CHCHD6: variants seen among roughly 807,000 people sequenced by gnomAD.
The protein encoded by CHCHD6 is MICOS complex subunit MIC25.
In CHCHD6, 28 loss-of-function variants were observed where a neutral mutation model predicts 32.3. That is an observed-to-expected ratio of 0.87 (90% CI 0.64 to 1.19). CHCHD6 has a LOEUF of 1.19. CHCHD6 is among the 50% of genes most tolerant of loss of function. The pLI is 0.00. For synonymous variants in CHCHD6, 122 were observed against 117.5 expected, an observed-to-expected ratio of 1.04 and a Z score of -0.25; for missense variants, 333 against 307.0, an observed-to-expected ratio of 1.08 and a Z score of -0.63.
At chr3:126,950,901 T>C (rs11709363) in intron 6 of CHCHD6, among the ~76,000 whole-genome samples, 5,390 of 152,226 alleles carry the variant, frequency 0.035, 147 homozygotes, top group Middle Eastern at 0.051. Context: ...GAAAGCATTG[T>C]TGTTGATGGG....
At chr3:126,727,682 T>G (rs2107657023) in intron 2 of CHCHD6, among the ~76,000 whole-genome samples, 1 of 152,320 alleles carries the variant, frequency 6.6e-6, no homozygotes, top group African/African-American at 2.4e-5. Context: ...CCTCTGGGCT[T>G]CTAGGAGGGG....
At chr3:126,834,744 G>C (rs1205435913) in intron 4 of CHCHD6, among the ~76,000 whole-genome samples, 1 of 152,152 alleles carries the variant, frequency 6.6e-6, no homozygotes, top group Admixed American at 6.5e-5. Flanking sequence ...TCTCCACTTA[G>C]ATATAGGACA....
chr3:126,904,771 G>C (rs2077981495), intron 5 of CHCHD6, among the ~76,000 whole-genome samples: 1 of 152,138 alleles, frequency 6.6e-6, no homozygotes, highest in African/African-American at 2.4e-5. Flanking sequence ...AATACTTCTG[G>C]GAAGGTCTCA....
chr3:126,849,127 T>G (rs1941386577), intron 4 of CHCHD6, among the ~76,000 whole-genome samples: 1 of 152,230 alleles, frequency 6.6e-6, no homozygotes, highest in Non-Finnish European at 1.5e-5. Flanking sequence ...CTGAAAACCC[T>G]GGCCCTCAGT....
intron 4 of CHCHD6, among the ~76,000 whole-genome samples, chr3:126,738,468 CCTTT>C (rs1258654609): frequency 6.9e-4 from 105 of 152,312 alleles, no homozygotes; most frequent in African/African-American, 1.9e-3. Context: ...ACAGCTGTAG[CCTTT>C]CTAACAGTCC....
At chr3:126,835,937 G>A (rs574162889) in intron 4 of CHCHD6, among the ~76,000 whole-genome samples, 8 of 152,274 alleles carry the variant, frequency 5.3e-5, no homozygotes, top group Non-Finnish European at 1.0e-4. Flanking sequence ...CCACCTTTCC[G>A]TAGCTACAGC....
intron 6 of CHCHD6, among the ~76,000 whole-genome samples, chr3:126,932,999 G>A (rs2078428416): frequency 1.3e-5 from 2 of 152,164 alleles, no homozygotes; most frequent in South Asian, 2.1e-4. Context: ...TGACTGCTGA[G>A]GGAGCCTGGG....
chr3:126,885,965 A>T (rs1334707620), intron 5 of CHCHD6, among the ~76,000 whole-genome samples: 1 of 152,176 alleles, frequency 6.6e-6, no homozygotes, highest in African/African-American at 2.4e-5. Flanking sequence ...GAGGAGTCTA[A>T]CTCTGAGCCG....
chr3:126,826,107 G>C (rs936260719), intron 4 of CHCHD6, among the ~76,000 whole-genome samples: 6 of 152,128 alleles, frequency 3.9e-5, no homozygotes, highest in African/African-American at 9.7e-5. Context: ...GAAGTAGCCG[G>C]GTAAAGCCTT....
At chr3:126,760,070 A>C (rs1158731334) in intron 4 of CHCHD6, among the ~76,000 whole-genome samples, 1 of 152,196 alleles carries the variant, frequency 6.6e-6, no homozygotes. Context: ...TGAGGACAGC[A>C]CCAAGCCATG....
intron 6 of CHCHD6, chr3:126,935,202 A>G (rs2078461952): frequency 3.1e-6 from 3 of 976,048 alleles, no homozygotes; most frequent in African/African-American, 1.8e-5. Context: ...GGTGAGCGGG[A>G]TGGCAGGGCT....
At chr3:126,913,074 C>G (rs2078116460) in intron 5 of CHCHD6, among the ~76,000 whole-genome samples, 1 of 152,312 alleles carries the variant, frequency 6.6e-6, no homozygotes, top group East Asian at 1.9e-4. Flanking sequence ...GGCAACGCAG[C>G]TCTAAAGTTC....
intron 4 of CHCHD6, among the ~76,000 whole-genome samples, chr3:126,834,049 G>A (rs1260582946): frequency 2.6e-5 from 2 of 76,884 alleles, no homozygotes; most frequent in Non-Finnish European, 2.1e-5. Context: ...GCGAGACTCC[G>A]TCTCAAAAAA....
At chr3:126,813,174 T>G (rs1939735644) in intron 4 of CHCHD6, among the ~76,000 whole-genome samples, 1 of 152,252 alleles carries the variant, frequency 6.6e-6, no homozygotes, top group Non-Finnish European at 1.5e-5. Flanking sequence ...CAGATCTTCA[T>G]TTTGCCTTTT....
chr3:126,741,920 T>C (rs1224297405), intron 4 of CHCHD6, among the ~76,000 whole-genome samples: 2 of 152,216 alleles, frequency 1.3e-5, no homozygotes, highest in Non-Finnish European at 2.9e-5. Flanking sequence ...TTCTGATCGC[T>C]TCCCCTGCTT....
intron 5 of CHCHD6, among the ~76,000 whole-genome samples, chr3:126,893,251 A>G (rs2077790789): frequency 6.6e-6 from 1 of 152,200 alleles, no homozygotes; most frequent in South Asian, 2.1e-4. Flanking sequence ...CATGAGCCAC[A>G]GCGCCCAGCC....
intron 4 of CHCHD6, 91 bp from the exon 5 acceptor site, chr3:126,852,556 T>C (rs1941508469): frequency 8.4e-6 from 7 of 835,220 alleles, no homozygotes; most frequent in Non-Finnish European, 1.4e-5. Context: ...TCATTGTGAA[T>C]GTGAGCAGAA....
chr3:126,815,652 C>T (rs534564653), intron 4 of CHCHD6, among the ~76,000 whole-genome samples: 2 of 150,098 alleles, frequency 1.3e-5, no homozygotes, highest in Admixed American at 6.6e-5. Context: ...TGCCCCCCCC[C>T]CCCCATCTGT....
At chr3:126,907,276 A>G (rs2078021101) in intron 5 of CHCHD6, among the ~76,000 whole-genome samples, 1 of 152,186 alleles carries the variant, frequency 6.6e-6, no homozygotes, top group South Asian at 2.1e-4. Context: ...GAAGAACAAG[A>G]CAGGAAAGAG....
Sources: allele counts gnomAD v4.1 joint callset (sites outside exome capture counted in the v4.1 genomes callset), GRCh38; gene constraint gnomAD v4.1.1; transcripts MANE v1.5; gene names NCBI Gene and HGNC (gene_info 2026-07-23, HGNC 2026-07-21).